Variants in RFX8 observed in about 807,000 individuals in gnomAD.
The protein encoded by RFX8 is DNA-binding protein RFX8.
RFX8 carries 46 observed loss-of-function variants against 54.6 expected under a neutral mutation model. The observed-to-expected ratio is 0.84, with a 90% CI of 0.67 to 1.08. The LOEUF (loss-of-function observed/expected upper bound fraction) is 1.08. RFX8 is among the 50% of genes least tolerant of loss of function. The probability of loss-of-function intolerance (pLI) is 0.00; values close to 1 mark genes in which losing one functional copy is unlikely to be tolerated. For missense variants in RFX8, 536 were observed against 562.3 expected, an observed-to-expected ratio of 0.95 and a Z score of 0.47; for synonymous variants, 192 against 209.5, an observed-to-expected ratio of 0.92 and a Z score of 0.72.
At chr2:101,423,130 C>A (rs1256264374) in intron 2 of RFX8, among the ~76,000 whole-genome samples, 2 of 151,980 alleles carry the variant, frequency 1.3e-5, no homozygotes, top group Admixed American at 1.3e-4. Flanking sequence ...TGGTGGCAGA[C>A]ACCTGTAATC....
chr2:101,423,854 C>T (rs993824361), intron 2 of RFX8, among the ~76,000 whole-genome samples: 3 of 152,108 alleles, frequency 2.0e-5, no homozygotes, highest in Non-Finnish European at 4.4e-5. Context: ...CTCTCCGATG[C>T]CCCAGTATCA....
intron 2 of RFX8, among the ~76,000 whole-genome samples, chr2:101,423,425 A>G (rs1037637767): frequency 1.3e-5 from 2 of 152,138 alleles, no homozygotes; most frequent in African/African-American, 2.4e-5. Flanking sequence ...AATAAAGGGT[A>G]TCAATTTTAT....
chr2:101,466,276 T>C (rs12614464), intron 2 of RFX8, among the ~76,000 whole-genome samples: 147,921 of 149,238 alleles, frequency 0.99, 73,368 homozygotes, highest in Middle Eastern at 1. Context: ...GCCATTGCTG[T>C]AGCCTGGGCA....
chr2:101,455,691 C>T (rs1305375235), intron 2 of RFX8, among the ~76,000 whole-genome samples: 1 of 152,156 alleles, frequency 6.6e-6, no homozygotes, highest in African/African-American at 2.4e-5. Context: ...ATTATCTTGG[C>T]TATGCAGGCT....
intron 1 of RFX8, chr2:101,474,113 C>A: frequency 1.9e-6 from 1 of 529,062 alleles, no homozygotes; most frequent in Non-Finnish European, 3.3e-6. Context: ...TTTGACCCGG[C>A]GTCCCGAGGG....
chr2:101,400,245 T>C (rs1029833511), intron 11 of RFX8, among the ~76,000 whole-genome samples: 1 of 152,226 alleles, frequency 6.6e-6, no homozygotes, highest in African/African-American at 2.4e-5. Flanking sequence ...TGAACTTTAG[T>C]CTGGCTCCTG....
intron 1 of RFX8, among the ~76,000 whole-genome samples, chr2:101,472,775 T>G: frequency 6.6e-6 from 1 of 152,290 alleles, no homozygotes; most frequent in South Asian, 2.1e-4. Flanking sequence ...CCCAGCACTT[T>G]GGGAGGCCGA....
chr2:101,404,440 T>C lies in RFX8; in HGVS notation c.928+1503A>G, dbSNP rs572770571. ...TAACAACTACAGACTAGATTTCTTT[T>C]CTTTTTTTGAGACAGAGTCTGGCTC... On this transcript the variant is annotated intron_variant, in intron 10 of 11. Transcript: ENST00000428343. 3.9e-5 allele frequency among the ~76,000 whole-genome samples: 6 copies of C among 152,320 alleles called. No homozygotes were observed. In the East Asian group the frequency reaches 9.6e-4, roughly 24 times the overall value.
chr2:101,428,840 AG>A, intron 2 of RFX8: 1 of 678,338 alleles, frequency 1.5e-6, no homozygotes, highest in Non-Finnish European at 2.6e-6. Context: ...GTGAATGGTT[AG>A]GGGCTACCTA....
At chr2:101,426,673 A>T (rs747293450) in intron 2 of RFX8, among the ~76,000 whole-genome samples, 4 of 152,190 alleles carry the variant, frequency 2.6e-5, no homozygotes, top group Non-Finnish European at 5.9e-5. Context: ...ATGTCACTGG[A>T]GTTACATGCT....
At chr2:101,466,670 C>G (rs1689589673) in intron 2 of RFX8, 107 bp downstream of exon 2, 1 of 809,336 alleles carries the variant, frequency 1.2e-6, no homozygotes, top group Admixed American at 2.1e-5. Flanking sequence ...CCAAAGATAC[C>G]CACTGAAAAT....
intron 2 of RFX8, among the ~76,000 whole-genome samples, chr2:101,458,821 CA>C (rs1689120097): frequency 6.6e-6 from 1 of 152,184 alleles, no homozygotes. Context: ...CTTGGTTCCC[CA>C]TTCTCTCCAT....
chr2:101,427,173 A>G (rs1479402617), intron 2 of RFX8, among the ~76,000 whole-genome samples: 1 of 152,218 alleles, frequency 6.6e-6, no homozygotes, highest in Non-Finnish European at 1.5e-5. Context: ...AGGCAGAATC[A>G]GGCCCCTCCA....
chr2:101,429,287 G>A (rs577374214), intron 2 of RFX8, among the ~76,000 whole-genome samples: 1 of 152,202 alleles, frequency 6.6e-6, no homozygotes, highest in East Asian at 1.9e-4. Flanking sequence ...GGTAGAATTC[G>A]CTCCTGTGGG....
At chr2:101,471,319 G>A (rs986164583) in intron 1 of RFX8, among the ~76,000 whole-genome samples, 2 of 151,988 alleles carry the variant, frequency 1.3e-5, no homozygotes, top group African/African-American at 4.8e-5. Context: ...GGGAGACAAA[G>A]CGAGACTCCA....
chr2:101,450,529 GAA>G, intron 2 of RFX8: 1 of 800,826 alleles, frequency 1.2e-6, no homozygotes, highest in Non-Finnish European at 2.0e-6. Context: ...CACTTGGCCT[GAA>G]TGGTTCTAAC....
At chr2:101,405,010 G>A (rs963667670) in intron 10 of RFX8, among the ~76,000 whole-genome samples, 1 of 152,180 alleles carries the variant, frequency 6.6e-6, no homozygotes, top group Non-Finnish European at 1.5e-5. Context: ...CAAACTCACA[G>A]GAGTGGAGAC....
In RFX8 at chr2:101,463,575, C is replaced by T. The variant is rs546761223; in HGVS notation, c.72+3202G>A. Among the ~76,000 whole-genome samples, 236 of 152,326 alleles carry T rather than the reference C, an allele frequency of 1.5e-3. 2 individuals carry two copies. The highest frequency in any genetic ancestry group is 5.3e-3 in the African/African-American group (221 of 41,582). On this transcript the variant is annotated intron_variant, in intron 2 of 11. Coordinates refer to ENST00000428343, the MANE Select transcript of RFX8 (RefSeq NM_001145664.2). Reference sequence around the variant, plus strand: ...CTGGACAGGCGGTCAGCCACAGCAGCCCTGGGAGACAGCCTGCCGGGCAGG... The same window carrying T: ...CTGGACAGGCGGTCAGCCACAGCAGTCCTGGGAGACAGCCTGCCGGGCAGG...
chr2:101,466,851 G>A lies in RFX8; in HGVS notation c.-3C>T. The A allele has an allele frequency of 6.5e-7, 1 of 1,550,026 alleles. No homozygotes were observed. Among genetic ancestry groups the A allele is most frequent in the Non-Finnish European group, 8.7e-7 (1 of 1,145,438 alleles). On this transcript the variant is annotated 5_prime_UTR_variant, in exon 2 of 12. Transcript: ENST00000428343. ...GTCTCCACGTAAATCTCATACATGA[G>A]ACAGCGAGGGACGCTGCACTCTTCG...
Sources: allele counts gnomAD v4.1 joint callset (sites outside exome capture counted in the v4.1 genomes callset), GRCh38; gene constraint gnomAD v4.1.1; transcripts MANE v1.5; gene names NCBI Gene and HGNC (gene_info 2026-07-23, HGNC 2026-07-21).